Variants in LRRC49 observed in about 807,000 individuals in gnomAD.
The protein encoded by LRRC49 is leucine rich repeat containing 49.
Under a neutral mutation model 83.3 loss-of-function variants are expected in LRRC49, and 50 were observed. The observed-to-expected ratio is 0.60, with a 90% CI of 0.48 to 0.76. LRRC49 has a LOEUF of 0.76. LRRC49 is among the 30% of genes least tolerant of loss of function. The pLI is 0.00. For synonymous variants in LRRC49, 286 were observed against 283.3 expected (o/e 1.01, Z -0.10); for missense variants, 704 against 809.1 (o/e 0.87, Z 1.58).
chr15:70,933,890 G>C (rs2035504652), intron 7 of LRRC49, among the ~76,000 whole-genome samples: 1 of 152,154 alleles, frequency 6.6e-6, no homozygotes, highest in Non-Finnish European at 1.5e-5. Context: ...ATTAATAGCT[G>C]TCTCAATTTA....
At chr15:70,955,857 G>C (rs939981938) in intron 8 of LRRC49, among the ~76,000 whole-genome samples, 1 of 151,946 alleles carries the variant, frequency 6.6e-6, no homozygotes, top group Non-Finnish European at 1.5e-5. Context: ...TTTAATATTT[G>C]ATCATATATT....
intron 9 of LRRC49, among the ~76,000 whole-genome samples, chr15:70,966,378 T>G (rs1462417634): frequency 6.6e-6 from 1 of 152,106 alleles, no homozygotes; most frequent in Non-Finnish European, 1.5e-5. Context: ...AGTTTACCAT[T>G]TCAACATGAC....
At chr15:70,974,075 C>T (rs1048678034) in intron 9 of LRRC49, among the ~76,000 whole-genome samples, 2 of 151,786 alleles carry the variant, frequency 1.3e-5, no homozygotes, top group East Asian at 1.9e-4. Context: ...TGCGGTGAGC[C>T]GAGATCGCGC....
chr15:70,988,850 A>C (rs1344367267), intron 11 of LRRC49, among the ~76,000 whole-genome samples: 2 of 152,060 alleles, frequency 1.3e-5, no homozygotes, highest in Non-Finnish European at 2.9e-5. Context: ...AAAATCTCTC[A>C]GCATTTGCTT....
intron 8 of LRRC49, among the ~76,000 whole-genome samples, chr15:70,950,095 A>C (rs142634460): frequency 3.0e-4 from 45 of 152,308 alleles, no homozygotes; most frequent in African/African-American, 1.0e-3. Flanking sequence ...TAGTTTGCTT[A>C]GGATAATGTC....
At chr15:70,861,762 A>G (rs1417097754) in intron 1 of LRRC49, among the ~76,000 whole-genome samples, 1 of 152,206 alleles carries the variant, frequency 6.6e-6, no homozygotes, top group East Asian at 1.9e-4. Flanking sequence ...CAAGTTAAAA[A>G]TAGATGGAGA....
intron 2 of LRRC49, among the ~76,000 whole-genome samples, chr15:70,879,575 G>A (rs181964347): frequency 1.1e-3 from 164 of 152,214 alleles, no homozygotes; most frequent in Non-Finnish European, 7.5e-4. Flanking sequence ...GTTTTATGCC[G>A]GGCCCCCAGA....
At chr15:70,944,175 C>G (rs1286995809) in intron 8 of LRRC49, among the ~76,000 whole-genome samples, 1 of 152,042 alleles carries the variant, frequency 6.6e-6, no homozygotes, top group Non-Finnish European at 1.5e-5. Flanking sequence ...AGTCTTGAAG[C>G]TTATATAGAA....
chr15:70,971,797 C>CTTTTTTTTTTTTTTTTTTTTTTTTTTTT, intron 9 of LRRC49, among the ~76,000 whole-genome samples: 1 of 82,268 alleles, frequency 1.2e-5, no homozygotes, highest in Non-Finnish European at 2.2e-5. Context: ...GTAACCACTC[C>CTTTTTTTTTTTTTTTTTTTTTTTTTTTT]TTTTTTTTTT....
At chr15:70,971,797 CTTTTTT>C (rs56230666) in intron 9 of LRRC49, among the ~76,000 whole-genome samples, 1 of 82,262 alleles carries the variant, frequency 1.2e-5, no homozygotes, top group Non-Finnish European at 2.2e-5. Flanking sequence ...GTAACCACTC[CTTTTTT>C]TTTTTTTTTT....
intron 7 of LRRC49, among the ~76,000 whole-genome samples, chr15:70,934,568 TAAAC>T (rs1241357791): frequency 6.6e-6 from 1 of 152,174 alleles, no homozygotes; most frequent in Non-Finnish European, 1.5e-5. Flanking sequence ...TTTTGTCTCA[TAAAC>T]AGAGATTAAA....
chr15:70,989,933 C>T (rs564041018), intron 11 of LRRC49, among the ~76,000 whole-genome samples: 20 of 152,198 alleles, frequency 1.3e-4, no homozygotes, highest in Non-Finnish European at 2.2e-4. Flanking sequence ...GCAGCGGTGG[C>T]GGCAGAACAG....
Position 70,859,369 on chromosome 15 carries a change from C to T in LRRC49, c.-299+5900C>T, listed in dbSNP as rs1242025495. 1.2e-5 allele frequency: 9 copies of T among 768,128 alleles called. 1 individual carries two copies. Among genetic ancestry groups the T allele is most frequent in the Admixed American group, 5.1e-5 (3 of 58,556 alleles). The allele number at this position is 768,128 out of a possible 1,614,324, so 47.6% of individuals were successfully genotyped here. A position where few individuals can be genotyped will look rare whatever the true frequency, so the allele number is the denominator to read the frequency against. On this transcript the variant is annotated intron_variant, in intron 1 of 16. Coordinates refer to the LRRC49 transcript ENST00000544974. ...AGTCTTGCCTGGAAGGGCTGACTGA[C>T]GAGATGGACTTCCTCAGGCAGCTGT...
rs1319875216 is a variant in LRRC49, at chr15:71,049,403, T to A, written c.1858-6T>A. 1.9e-6 allele frequency: 3 copies of A among 1,543,242 alleles called. No homozygotes were observed. Among genetic ancestry groups the A allele is most frequent in the Non-Finnish European group, 2.6e-6 (3 of 1,136,258 alleles). Reference sequence around the variant, plus strand: ...TTAATACAAAACTTTCTCTTTTTTTTAACAGGAAATAAAGGAAAAGAAGAA... The same window carrying A: ...TTAATACAAAACTTTCTCTTTTTTTAAACAGGAAATAAAGGAAAAGAAGAA... On this transcript the variant is annotated splice_polypyrimidine_tract_variant and splice_region_variant and intron_variant, in intron 15 of 15. Transcript: ENST00000260382.
intron 15 of LRRC49, among the ~76,000 whole-genome samples, chr15:71,042,835 A>T (rs2039737566): frequency 6.6e-6 from 1 of 152,208 alleles, no homozygotes; most frequent in Non-Finnish European, 1.5e-5. Context: ...CTATTCTTAG[A>T]TGAGGAAAAC....
At position 71,051,242 on chromosome 15, in the gene LRRC49, AAAG is replaced by A. The variant is rs1421002099; in HGVS notation, c.*1633_*1635del. On this transcript the variant is annotated 3_prime_UTR_variant, in exon 16 of 16. Transcript: ENST00000260382. ...CTTCGTAAGATAGTCATGAGAATCA[AAAG>A]AAACAATGCATGTAAAGCATTTCTC... The A allele has an allele frequency of 6.6e-6, 1 of 152,256 alleles. No homozygotes were observed. Among genetic ancestry groups the A allele is most frequent in the African/African-American group, 2.4e-5 (1 of 41,460 alleles). 9.4% of individuals were successfully genotyped at this position (152,256 alleles called of 1,614,324 possible). A position where few individuals can be genotyped will look rare whatever the true frequency, so the allele number is the denominator to read the frequency against.
Position 71,009,833 on chromosome 15 carries a change from T to C in LRRC49, c.1434T>C (p.Leu478=), listed in dbSNP as rs770682419. 1.6e-5 allele frequency: 26 copies of C among 1,611,904 alleles called. No homozygotes were observed. The East Asian group carries it at 5.1e-4, about 32-fold the overall frequency. Residue 478 remains leucine, a synonymous_variant, in exon 13 of 16, where the codon CTT becomes CTC. Transcript: ENST00000260382. ...ACCTTAAATTCAAGGAAACAAATCTTGTAATGCTGCAGCAATTTAACGCAC... is the reference window on the plus strand; with the variant it reads ...ACCTTAAATTCAAGGAAACAAATCTCGTAATGCTGCAGCAATTTAACGCAC... ...SLHLKFKETN[L]VMLQQFNALA...
intron 11 of LRRC49, among the ~76,000 whole-genome samples, chr15:71,000,269 T>A (rs939421059): frequency 5.3e-5 from 8 of 152,126 alleles, no homozygotes; most frequent in African/African-American, 1.9e-4. Context: ...AGGGATGGAG[T>A]GTTTCGGAGT....
intron 2 of LRRC49, among the ~76,000 whole-genome samples, chr15:70,883,218 T>A (rs1169243262): frequency 1.3e-5 from 2 of 151,628 alleles, no homozygotes; most frequent in Admixed American, 1.3e-4. Flanking sequence ...TGAGATGGAG[T>A]TTTGCTCTTG....
Sources: gnomAD v4.1 joint callset for allele counts (sites outside exome capture counted in the v4.1 genomes callset) on GRCh38, gnomAD v4.1.1 for gene constraint, MANE v1.5 for transcripts, NCBI Gene and HGNC (gene_info 2026-07-23, HGNC 2026-07-21) for gene names.